Variants in SETX observed in about 807,000 individuals in gnomAD.
SETX encodes helicase senataxin.
In SETX, 90 loss-of-function variants were observed where a neutral mutation model predicts 227.2. That is an observed-to-expected ratio of 0.40 (90% CI 0.33 to 0.47). The LOEUF (loss-of-function observed/expected upper bound fraction) is 0.47. Among genes scored for constraint, SETX ranks in the 20% least tolerant of loss-of-function variants. The pLI, the probability that SETX is intolerant of heterozygous loss-of-function variation, is 0.91. For missense variants in SETX, 3,052 were observed against 3,181.5 expected (o/e 0.96, Z 0.98); for synonymous variants, 1,210 against 1,113.2 (o/e 1.09, Z -1.73).
chr9:132,296,924 T>C lies in SETX; in HGVS notation c.5912A>G (p.Lys1971Arg). ...IHGPPGTGKS[K>R]TIVGLLYRLL... The stretch of plus-strand genomic sequence containing the variant: ...ACGATAGAGGAGGCCAACAATAGTT[T>C]TTGATTTTCCTGTTCCAGGTGGTCC... Residue 1971 changes from lysine to arginine, a missense_variant, in exon 14 of 26, where the codon AAA (lysine) becomes AGA (arginine). Physicochemically the swap from Lys to Arg is conservative, Grantham distance 26. Coordinates refer to ENST00000224140, the MANE Select transcript of SETX (RefSeq NM_015046.7). The C allele has an allele frequency of 6.2e-7, 1 of 1,614,162 alleles. No individual in the cohort carries two copies.
chr9:132,295,879 ATTC>A lies in SETX; in HGVS notation c.6096_6098del (p.Lys2032del). On this transcript the variant is annotated inframe_deletion, in exon 15 of 26. Transcript: ENST00000224140. ...TCCACAAAAGTATCATACCTAAAGG[ATTC>A]TTCTTGTCTTTACATTTTTCTTTGA... The A allele has an allele frequency of 1.2e-6, 2 of 1,613,270 alleles. No individual in the cohort carries two copies. The highest frequency in any genetic ancestry group is 2.2e-5 in the East Asian group (1 of 44,864).
Position 132,285,881 on chromosome 9 carries a change from A to AAAAAAAAC in SETX, c.6396+541_6396+542insGTTTTTTT, listed in dbSNP as rs1419685581. ...GCAACAGAGTGAGACTCTGTCTCAA[A>AAAAAAAAC]AAAAAAAAAACACAAAAGAGGCCAG... On this transcript the variant is annotated intron_variant, in intron 18 of 25. Coordinates refer to ENST00000224140, the MANE Select transcript of SETX (RefSeq NM_015046.7). Among the ~76,000 whole-genome samples the AAAAAAAAC allele has an allele frequency of 7.5e-4, 108 of 144,856 alleles. 2 individuals carry two copies. Among genetic ancestry groups the AAAAAAAAC allele is most frequent in the African/African-American group, 2.8e-3 (108 of 38,812 alleles).
At chr9:132,279,108 C>T (rs1452126929) in intron 20 of SETX, among the ~76,000 whole-genome samples, 1 of 152,172 alleles carries the variant, frequency 6.6e-6, no homozygotes, top group Non-Finnish European at 1.5e-5. Flanking sequence ...GAATTAGGAA[C>T]GCCGAAGCTG....
chr9:132,318,230 T>C lies in SETX; in HGVS notation c.5275-6374A>G, dbSNP rs199953821. Among the ~76,000 whole-genome samples the C allele has an allele frequency of 5.3e-5, 8 of 152,330 alleles. No individual in the cohort carries two copies. In the East Asian group the frequency reaches 1.5e-3, roughly 29 times the overall value. On this transcript the variant is annotated intron_variant, in intron 10 of 25. Coordinates refer to ENST00000224140, the MANE Select transcript of SETX (RefSeq NM_015046.7). ...CCTGTTTGTTGTTCTTTATGGTTTC[T>C]CCTTCTTGCTTCATGTTTCTAGCAT... is the stretch of plus-strand genomic sequence containing the variant.
chr9:132,330,631 A>G (rs531956843), intron 9 of SETX, 132 bp from the exon 10 acceptor site: 3 of 726,346 alleles, frequency 4.1e-6, no homozygotes, highest in Admixed American at 2.2e-5. Context: ...TATGCTATAC[A>G]ATGGTATAAT....
upstream of SETX, among the ~76,000 whole-genome samples, chr9:132,355,723 A>G (rs890284151): frequency 2.6e-5 from 4 of 151,954 alleles, no homozygotes; most frequent in Non-Finnish European, 4.4e-5. Flanking sequence ...GCGGTGGCTC[A>G]CGCCTGTAAT....
intron 10 of SETX, among the ~76,000 whole-genome samples, chr9:132,312,204 C>T (rs938640019): frequency 6.6e-6 from 1 of 152,140 alleles, no homozygotes; most frequent in Admixed American, 6.5e-5. Flanking sequence ...TGGACAGCTC[C>T]GGTAGAATGC....
chr9:132,310,604 TCA>T (rs1845590907), intron 11 of SETX, among the ~76,000 whole-genome samples: 1 of 152,230 alleles, frequency 6.6e-6, no homozygotes, highest in African/African-American at 2.4e-5. Context: ...TAAAAATGGC[TCA>T]CTGTTACTAA....
chr9:132,265,219 C>CTTTTT (rs1159856237), intron 25 of SETX, among the ~76,000 whole-genome samples: 1 of 128,508 alleles, frequency 7.8e-6, no homozygotes. Flanking sequence ...AGAACTTCAA[C>CTTTTT]TTTTGTTTTT....
intron 1 of SETX, among the ~76,000 whole-genome samples, chr9:132,354,707 G>A (rs2131597390): frequency 6.6e-6 from 1 of 152,054 alleles, no homozygotes; most frequent in Middle Eastern, 3.4e-3. Flanking sequence ...CGGGTCCAGC[G>A]CGCAGGAAGG....
intron 15 of SETX, among the ~76,000 whole-genome samples, chr9:132,291,569 G>A (rs1028240723): frequency 2.0e-5 from 3 of 152,104 alleles, no homozygotes; most frequent in African/African-American, 7.2e-5. Context: ...AATTATAACA[G>A]ATATCCTTTA....
At chr9:132,270,382 C>G (rs1378722918) in intron 24 of SETX, among the ~76,000 whole-genome samples, 2 of 149,274 alleles carry the variant, frequency 1.3e-5, no homozygotes, top group African/African-American at 5.0e-5. Flanking sequence ...CAGATGGACT[C>G]TAGAATGACT....
intron 15 of SETX, among the ~76,000 whole-genome samples, chr9:132,291,159 CTTTTTTTTT>C (rs139976052): frequency 1.2e-5 from 1 of 83,816 alleles, no homozygotes; most frequent in African/African-American, 5.3e-5. Flanking sequence ...GTTTGAAAAC[CTTTTTTTTT>C]TTTTTTTTTT....
chr9:132,266,802 C>G (rs148487518), intron 25 of SETX, among the ~76,000 whole-genome samples: 20 of 152,162 alleles, frequency 1.3e-4, no homozygotes, highest in African/African-American at 3.9e-4. Flanking sequence ...ACCTTATACA[C>G]TGGAGATAAA....
At chr9:132,350,292 G>T (rs1848536026) in intron 2 of SETX, among the ~76,000 whole-genome samples, 1 of 152,168 alleles carries the variant, frequency 6.6e-6, no homozygotes, top group Non-Finnish European at 1.5e-5. Flanking sequence ...AGAGGTTGCA[G>T]TGAGCCAAGA....
chr9:132,318,103 T>C (rs1227209873), intron 10 of SETX, among the ~76,000 whole-genome samples: 1 of 152,148 alleles, frequency 6.6e-6, no homozygotes, highest in Non-Finnish European at 1.5e-5. Flanking sequence ...GAGATCTGAG[T>C]GGACATTCTA....
In SETX at chr9:132,288,169, C is replaced by T. The variant is rs184683692; in HGVS notation, c.6324+67G>A. 4.0e-6 allele frequency: 5 copies of T among 1,259,222 alleles called. No individual in the cohort carries two copies. The East Asian group carries it at 1.2e-4, about 31-fold the overall frequency. The allele number at this position is 1,259,222 out of a possible 1,614,324, so 78.0% of individuals were successfully genotyped here. A position where few individuals can be genotyped will look rare whatever the true frequency, so the allele number is the denominator to read the frequency against. On this transcript the variant is annotated intron_variant, in intron 17 of 25. Transcript: ENST00000224140. ...CCAGCCTGGAAGACAGAGCAAGACT[C>T]TGTCTCAAAAAAAACTTGTTAACTA...
chr9:132,340,389 T>A (rs1847887459), intron 5 of SETX, among the ~76,000 whole-genome samples: 1 of 152,226 alleles, frequency 6.6e-6, no homozygotes, highest in African/African-American at 2.4e-5. Context: ...GAAATCTTCA[T>A]GTTTCTCATA....
At chr9:132,304,632 CAAAAAAAAAA>C (rs34179466) in intron 11 of SETX, among the ~76,000 whole-genome samples, 1 of 104,608 alleles carries the variant, frequency 9.6e-6, no homozygotes, top group Non-Finnish European at 2.1e-5. Flanking sequence ...GACCCTGTTT[CAAAAAAAAAA>C]AAAAAGAAAG....
Sources: allele counts gnomAD v4.1 joint callset (sites outside exome capture counted in the v4.1 genomes callset), GRCh38; gene constraint gnomAD v4.1.1; transcripts MANE v1.5; gene names NCBI Gene and HGNC (gene_info 2026-07-23, HGNC 2026-07-21).